Variants in MGAT5B observed in about 807,000 individuals in gnomAD.
MGAT5B encodes the protein N-acetylglucosaminyl-transferase Vb.
Under a neutral mutation model 95.1 loss-of-function variants are expected in MGAT5B, and 54 were observed. The observed-to-expected ratio is 0.57, with a 90% CI of 0.46 to 0.71. The LOEUF (loss-of-function observed/expected upper bound fraction) is 0.71. Ranked by LOEUF, MGAT5B falls within the 30% of genes least tolerant of loss-of-function variation. MGAT5B has a pLI of 0.00. For missense variants in MGAT5B, 935 were observed against 1,088.6 expected, an observed-to-expected ratio of 0.86 and a Z score of 1.99; for synonymous variants, 464 against 451.0, an observed-to-expected ratio of 1.03 and a Z score of -0.36.
At chr17:76,924,322 A>C (rs1969222341) in intron 8 of MGAT5B, 1 of 152,494 alleles carries the variant, frequency 6.6e-6, no homozygotes, top group Admixed American at 6.5e-5. Flanking sequence ...GGGATGCCAG[A>C]TGGCAGAGGG....
chr17:76,910,289 G>A (rs185976942), intron 8 of MGAT5B, among the ~76,000 whole-genome samples: 20 of 152,302 alleles, frequency 1.3e-4, no homozygotes, highest in South Asian at 6.2e-4. Context: ...GTCTGCCACC[G>A]GCTCCCTCTG....
intron 2 of MGAT5B, among the ~76,000 whole-genome samples, chr17:76,880,411 G>A (rs1197191551): frequency 6.6e-6 from 1 of 152,204 alleles, no homozygotes; most frequent in Non-Finnish European, 1.5e-5. Context: ...GGGTGGGAAC[G>A]TGGCAGCAGT....
intron 12 of MGAT5B, among the ~76,000 whole-genome samples, chr17:76,933,538 A>C (rs1424833051): frequency 1.3e-5 from 2 of 152,116 alleles, no homozygotes; most frequent in Non-Finnish European, 2.9e-5. Context: ...CCTGCTTGGC[A>C]TGGCCACAGG....
chr17:76,944,836 G>A (rs141926727), intron 15 of MGAT5B, among the ~76,000 whole-genome samples: 160 of 152,322 alleles, frequency 1.1e-3, no homozygotes, highest in Middle Eastern at 3.4e-3. Flanking sequence ...CGAGCTTGGC[G>A]CAGTTGGACT....
rs777761975 is a variant in MGAT5B, at chr17:76,905,284, C to T, written c.806C>T (p.Ala269Val). Reference protein sequence around the residue: ...KRLTAQWALAAQRLAQKLGAT... With the variant: ...KRLTAQWALAVQRLAQKLGAT... ...CTCACAGCCCAGTGGGCGCTGGCTG[C>T]CCAGCGCCTGGCACAGAAGCTGGGG... Residue 269 changes from alanine to valine, a missense_variant, in exon 7 of 18, where the codon GCC becomes GTC. By Grantham distance (64) the Ala-to-Val change is moderately conservative (BLOSUM62 0). This residue lies in a region of MGAT5B where 243 missense variants were observed against 305.5 expected (regional missense o/e 0.80). Coordinates refer to ENST00000569840, the MANE Select transcript of MGAT5B (RefSeq NM_001199172.2). The surrounding 1 kb of genome is among the most constrained non-coding windows in gnomAD (Gnocchi z 4.2). The T allele has an allele frequency of 8.7e-6, 14 of 1,609,798 alleles. No homozygotes were observed. Among genetic ancestry groups the T allele is most frequent in the Middle Eastern group, 1.7e-4 (1 of 6,042 alleles).
intron 15 of MGAT5B, among the ~76,000 whole-genome samples, chr17:76,943,195 G>A (rs1969921606): frequency 7.9e-6 from 1 of 127,166 alleles, no homozygotes; most frequent in African/African-American, 2.9e-5. Context: ...TTGCTTTCCT[G>A]TTTGGTTTTT....
At position 76,926,806 on chromosome 17, in the gene MGAT5B, G is replaced by T. The variant is rs558882566; in HGVS notation, c.1291+76G>T. On this transcript the variant is annotated intron_variant, in intron 10 of 17. Transcript: ENST00000569840. Reference sequence around the variant, plus strand: ...TCAGAGGTGACACGAGAGGCGGCCAGGGTCTCGCTCCTCCCTCTCTTTCCT... The same window carrying T: ...TCAGAGGTGACACGAGAGGCGGCCATGGTCTCGCTCCTCCCTCTCTTTCCT... 689 of 1,542,146 alleles carry T rather than the reference G, an allele frequency of 4.5e-4. 6 individuals carry two copies. Among genetic ancestry groups the T allele is most frequent in the Non-Finnish European group, 1.1e-4 (125 of 1,132,184 alleles).
intron 1 of MGAT5B, chr17:76,872,642 T>G: frequency 6.8e-7 from 1 of 1,461,540 alleles, no homozygotes; most frequent in Non-Finnish European, 9.0e-7. Context: ...CTCGTGTGGC[T>G]CGAGGCCAGC....
chr17:76,937,836 G>C, intron 12 of MGAT5B, 152 bp from the exon 13 acceptor site: 5 of 785,956 alleles, frequency 6.4e-6, no homozygotes, highest in Non-Finnish European at 1.0e-5. Flanking sequence ...GCCAGAGAGG[G>C]GCGGGGCCTT....
chr17:76,913,018 C>T (rs576342105), intron 8 of MGAT5B, among the ~76,000 whole-genome samples: 1 of 152,210 alleles, frequency 6.6e-6, no homozygotes, highest in Non-Finnish European at 1.5e-5. Flanking sequence ...TGAGCTCTTT[C>T]TCCATCCATG....
intron 2 of MGAT5B, among the ~76,000 whole-genome samples, chr17:76,876,099 A>T (rs940886883): frequency 2.6e-5 from 4 of 152,194 alleles, no homozygotes; most frequent in Admixed American, 6.5e-5. Flanking sequence ...CTGCTTGGGC[A>T]GACCCAAGGC....
At chr17:76,929,760 TG>T (rs1259285295) in intron 10 of MGAT5B, among the ~76,000 whole-genome samples, 3 of 152,192 alleles carry the variant, frequency 2.0e-5, no homozygotes, top group African/African-American at 2.4e-5. Flanking sequence ...GGGAGCTAAC[TG>T]GGGGGCTGCT....
chr17:76,933,413 G>A, intron 12 of MGAT5B, 116 bp downstream of exon 12: 1 of 1,348,580 alleles, frequency 7.4e-7, no homozygotes, highest in Non-Finnish European at 1.0e-6. Flanking sequence ...TCTGGGGCTT[G>A]TGGCTCCTGT....
rs1968867795 is a variant in MGAT5B at position 76,914,765 on chromosome 17, G to A, written c.1025+8578G>A. Reference sequence around the variant, plus strand: ...TGATTCTCCTGCCTCAGCCTCCCGAGTAGCTGGGACTACAGGAATGTGCCA... The same window carrying A: ...TGATTCTCCTGCCTCAGCCTCCCGAATAGCTGGGACTACAGGAATGTGCCA... On this transcript the variant is annotated intron_variant, in intron 8 of 17. Transcript: ENST00000569840. This position sits in a 1 kb window ranked among gnomAD's most constrained non-coding sequence, Gnocchi z 5.1. Among the ~76,000 whole-genome samples, 1 of 152,090 alleles carries A rather than the reference G, an allele frequency of 6.6e-6. No homozygotes were observed. Among genetic ancestry groups the A allele is most frequent in the African/African-American group, 2.4e-5 (1 of 41,384 alleles).
rs752722979 is a variant in MGAT5B at position 76,947,991 on chromosome 17, G to C, written c.2085G>C (p.Val695=). 3.2e-5 allele frequency: 51 copies of C among 1,612,208 alleles called. No homozygotes were observed. Among genetic ancestry groups the C allele is most frequent in the Non-Finnish European group, 3.1e-5 (37 of 1,179,294 alleles). The change falls in exon 17 of 18, where the codon GTG becomes GTC. Residue 695 remains valine, a synonymous_variant. Coordinates refer to ENST00000569840, the MANE Select transcript of MGAT5B (RefSeq NM_001199172.2). ...ACGCCCTGCGGGCCTGGCTGGCCGT[G>C]CCTGGGAGGGCCTGCACCGACACCT... is the stretch of plus-strand genomic sequence containing the variant. ...PAHALRAWLA[V]PGRACTDTCL... is the part of the protein sequence containing the mutation.
intron 8 of MGAT5B, among the ~76,000 whole-genome samples, chr17:76,919,041 A>C (rs763683989): frequency 6.6e-6 from 1 of 152,234 alleles, no homozygotes; most frequent in Non-Finnish European, 1.5e-5. Flanking sequence ...CACGTGTCCC[A>C]CATGTGGAGG....
rs1267054743 is a variant in MGAT5B at position 76,870,134 on chromosome 17, G to A, written c.68+1037G>A. On this transcript the variant is annotated intron_variant, in intron 1 of 17. Coordinates refer to ENST00000569840, the MANE Select transcript of MGAT5B (RefSeq NM_001199172.2). This position sits in a 1 kb window ranked among gnomAD's most constrained non-coding sequence, Gnocchi z 5.0. The stretch of plus-strand genomic sequence containing the variant: ...GAGCTTGCAGGGGCCCTGAACTCTT[G>A]CCCTCCAGGTCTCGGCCCAGCCCCA... Among the ~76,000 whole-genome samples, 1 of 152,166 alleles carries A rather than the reference G, an allele frequency of 6.6e-6. No homozygotes were observed. The highest frequency in any genetic ancestry group is 2.4e-5 in the African/African-American group (1 of 41,450).
chr17:76,875,234 A>G (rs1967142773), intron 2 of MGAT5B, among the ~76,000 whole-genome samples: 1 of 152,138 alleles, frequency 6.6e-6, no homozygotes, highest in Non-Finnish European at 1.5e-5. Flanking sequence ...CTCATCTTGA[A>G]TCGTAGTTCC....
intron 17 of MGAT5B, 110 bp downstream of exon 17, chr17:76,948,196 GATGTAATGCTTTCCA>G: frequency 6.9e-7 from 1 of 1,451,114 alleles, no homozygotes; most frequent in South Asian, 1.5e-5. Flanking sequence ...AGTGTGGGGG[GATGTAATGCTTTCCA>G]ATGAGTCAGG....
Sources: allele counts gnomAD v4.1 joint callset (sites outside exome capture counted in the v4.1 genomes callset), GRCh38; gene constraint gnomAD v4.1.1; regional missense constraint gnomAD v4.1.1; non-coding constraint Gnocchi (gnomAD v3.1); transcripts MANE v1.5; gene names NCBI Gene and HGNC (gene_info 2026-07-23, HGNC 2026-07-21).